RERG: variants seen among roughly 807,000 people sequenced by gnomAD.
The protein encoded by RERG is ras-related and estrogen-regulated growth inhibitor.
In RERG, 25 loss-of-function variants were observed where a neutral mutation model predicts 23.2. The observed-to-expected ratio is 1.08, with a 90% CI of 0.79 to 1.50. RERG has a LOEUF of 1.50. Ranked by LOEUF, RERG falls within the 40% of genes most tolerant of loss-of-function variation. RERG has a pLI of 0.00. For synonymous variants in RERG, 81 were observed against 89.1 expected, an observed-to-expected ratio of 0.91 and a Z score of 0.51; for missense variants, 253 against 250.1, an observed-to-expected ratio of 1.01 and a Z score of -0.08.
intron 2 of RERG, among the ~76,000 whole-genome samples, chr12:15,195,818 T>G (rs1865136947): frequency 6.6e-6 from 1 of 152,080 alleles, no homozygotes; most frequent in South Asian, 2.1e-4. Flanking sequence ...ACAGCTTTGG[T>G]TCTCATCCTG....
chr12:15,177,839 G>GTTTTTTTTTT (rs11304470), intron 2 of RERG, among the ~76,000 whole-genome samples: 1 of 112,960 alleles, frequency 8.9e-6, no homozygotes, highest in Non-Finnish European at 1.9e-5. Context: ...CCCTCTGTTT[G>GTTTTTTTTTT]TTTTTTTTTT....
chr12:15,120,913 C>G (rs1349413939), intron 3 of RERG, 150 bp downstream of exon 3: 2 of 682,782 alleles, frequency 2.9e-6, no homozygotes, highest in Non-Finnish European at 5.2e-6. Context: ...AAACACACAT[C>G]TAGCCTCATA....
intron 2 of RERG, among the ~76,000 whole-genome samples, chr12:15,161,507 AG>A (rs1213170960): frequency 2.6e-5 from 4 of 152,342 alleles, no homozygotes; most frequent in African/African-American, 9.6e-5. Context: ...TTGCCTGTTC[AG>A]GAACCAGCCA....
chr12:15,185,028 A>G (rs1864971085), intron 2 of RERG, among the ~76,000 whole-genome samples: 1 of 152,206 alleles, frequency 6.6e-6, no homozygotes, highest in African/African-American at 2.4e-5. Context: ...TGATTCCCCC[A>G]GTATTCACTT....
At chr12:15,180,167 GAGA>G (rs1295834995) in intron 2 of RERG, among the ~76,000 whole-genome samples, 1 of 152,130 alleles carries the variant, frequency 6.6e-6, no homozygotes, top group African/African-American at 2.4e-5. Context: ...TTTTTAAACA[GAGA>G]AGAATATGAC....
chr12:15,119,183 T>C (rs1453312709), intron 3 of RERG, among the ~76,000 whole-genome samples: 1 of 152,200 alleles, frequency 6.6e-6, no homozygotes, highest in Admixed American at 6.5e-5. Context: ...GCAGCTGCCA[T>C]CCTCTTTGAG....
intron 2 of RERG, among the ~76,000 whole-genome samples, chr12:15,190,628 A>G (rs1226558775): frequency 6.6e-6 from 1 of 152,234 alleles, no homozygotes; most frequent in Non-Finnish European, 1.5e-5. Context: ...AGCTGAAAAC[A>G]TAAATGATAG....
chr12:15,148,591 A>C (rs1864373884), intron 2 of RERG, among the ~76,000 whole-genome samples: 1 of 152,188 alleles, frequency 6.6e-6, no homozygotes, highest in African/African-American at 2.4e-5. Context: ...AAGGAATACA[A>C]GTTATGTGCA....
chr12:15,140,569 T>TA (rs1449662008), intron 2 of RERG, among the ~76,000 whole-genome samples: 1 of 152,064 alleles, frequency 6.6e-6, no homozygotes, highest in Non-Finnish European at 1.5e-5. Flanking sequence ...AATAATTTTT[T>TA]AACATTTCTT....
chr12:15,187,204 C>T (rs1007585704), intron 2 of RERG, among the ~76,000 whole-genome samples: 5 of 152,022 alleles, frequency 3.3e-5, no homozygotes, highest in African/African-American at 4.8e-5. Context: ...GTAGAACCAG[C>T]TCTCAAGGCA....
Position 15,174,659 on chromosome 12 carries a change from TTC to T in RERG, c.61+42768_61+42769del, listed in dbSNP as rs1394463461. Among the ~76,000 whole-genome samples, 5 of 152,064 alleles carry T rather than the reference TTC, an allele frequency of 3.3e-5. No individual in the cohort carries two copies. The South Asian group carries it at 1.0e-3, about 31-fold the overall frequency. ...CTTTGAATCTCTGTTTATTTTTCCT[TTC>T]TGTTTCTCACAATGGATAATATCAA... is the stretch of plus-strand genomic sequence containing the variant. On this transcript the variant is annotated intron_variant, in intron 2 of 4. Transcript: ENST00000256953.
chr12:15,175,363 G>T (rs892559869), intron 2 of RERG, among the ~76,000 whole-genome samples: 5 of 150,010 alleles, frequency 3.3e-5, no homozygotes, highest in African/African-American at 1.2e-4. Flanking sequence ...GTGTGTGTGT[G>T]TGTGTGTGTG....
At chr12:15,166,653 G>T (rs1445940573) in intron 2 of RERG, among the ~76,000 whole-genome samples, 1 of 151,900 alleles carries the variant, frequency 6.6e-6, no homozygotes, top group African/African-American at 2.4e-5. Flanking sequence ...CAGCATATAT[G>T]AAATGACTTT....
chr12:15,215,932 T>C (rs1218786347), intron 2 of RERG, among the ~76,000 whole-genome samples: 2 of 152,232 alleles, frequency 1.3e-5, no homozygotes, highest in Admixed American at 6.5e-5. Context: ...GTTTGACTTC[T>C]TAAATCGCAT....
At chr12:15,173,708 C>T (rs1864807159) in intron 2 of RERG, among the ~76,000 whole-genome samples, 1 of 151,628 alleles carries the variant, frequency 6.6e-6, no homozygotes, top group Admixed American at 6.6e-5. Context: ...TAAATTTATA[C>T]TTAAGTATTT....
At chr12:15,141,908 A>G (rs1325791228) in intron 2 of RERG, among the ~76,000 whole-genome samples, 1 of 152,178 alleles carries the variant, frequency 6.6e-6, no homozygotes, top group Non-Finnish European at 1.5e-5. Flanking sequence ...TGTTATATAT[A>G]TTTCAGCATT....
chr12:15,202,514 G>GT (rs1324801342), intron 2 of RERG, among the ~76,000 whole-genome samples: 1 of 151,614 alleles, frequency 6.6e-6, no homozygotes, highest in African/African-American at 2.4e-5. Context: ...TTTGACTATT[G>GT]TATTTGCCTT....
At chr12:15,213,900 A>G (rs531408829) in intron 2 of RERG, among the ~76,000 whole-genome samples, 1 of 152,320 alleles carries the variant, frequency 6.6e-6, no homozygotes, top group South Asian at 2.1e-4. Context: ...AAGATTAAAT[A>G]TAAGCCATAC....
intron 2 of RERG, among the ~76,000 whole-genome samples, chr12:15,147,482 A>C (rs530670308): frequency 4.6e-5 from 7 of 152,382 alleles, no homozygotes; most frequent in African/African-American, 1.4e-4. Context: ...GTAGTTCTAC[A>C]TAAGTATATT....
Sources: allele counts gnomAD v4.1 joint callset (sites outside exome capture counted in the v4.1 genomes callset), GRCh38; gene constraint gnomAD v4.1.1; transcripts MANE v1.5; gene names NCBI Gene and HGNC (gene_info 2026-07-23, HGNC 2026-07-21).